The following CTBP1 variants were observed in gnomAD, a reference collection of about 807,000 sequenced individuals.
CTBP1 encodes the protein C-terminal-binding protein 1.
Under a neutral mutation model 42.1 loss-of-function variants are expected in CTBP1, and 11 were observed. That is an observed-to-expected ratio of 0.26 (90% confidence interval 0.16 to 0.43). The LOEUF (loss-of-function observed/expected upper bound fraction) is 0.43, where lower values mean the gene tolerates loss of function less well. CTBP1 is among the 20% of genes least tolerant of loss of function. CTBP1 has a pLI of 1.00. For missense variants in CTBP1, 399 were observed against 624.3 expected (o/e 0.64, Z 3.85); for synonymous variants, 324 against 277.1 (o/e 1.17, Z -1.68).
intron 1 of CTBP1, chr4:1,244,304 T>A: frequency 1.0e-6 from 1 of 979,248 alleles, no homozygotes; most frequent in South Asian, 4.8e-5. Context: ...GGGGTCACCA[T>A]GGGCTGGGAC....
chr4:1,247,994 C>G (rs887804547), intron 1 of CTBP1, among the ~76,000 whole-genome samples: 1 of 152,242 alleles, frequency 6.6e-6, no homozygotes, highest in Non-Finnish European at 1.5e-5. Flanking sequence ...CACCGGCGCC[C>G]TTGGAGGCCG....
intron 5 of CTBP1, among the ~76,000 whole-genome samples, chr4:1,220,544 T>C (rs556764672): frequency 4.3e-4 from 65 of 152,278 alleles, no homozygotes; most frequent in Non-Finnish European, 8.1e-4. Context: ...AGAATGGAAA[T>C]GGAAATGCAC....
chr4:1,228,618 C>A (rs955989040), intron 3 of CTBP1, among the ~76,000 whole-genome samples: 6 of 152,182 alleles, frequency 3.9e-5, no homozygotes, highest in Admixed American at 3.9e-4. Context: ...GTTGCCCGCT[C>A]CCCACTGTGG....
At chr4:1,221,020 GA>G (rs1729678303) in intron 5 of CTBP1, among the ~76,000 whole-genome samples, 1 of 152,224 alleles carries the variant, frequency 6.6e-6, no homozygotes, top group African/African-American at 2.4e-5. Flanking sequence ...TCAAGAAAGT[GA>G]AAAGTCAAGC....
At chr4:1,232,007 G>A (rs1250111) in intron 3 of CTBP1, among the ~76,000 whole-genome samples, 106,662 of 152,212 alleles carry the variant, frequency 0.7, 39,589 homozygotes, top group Non-Finnish European at 0.84. Context: ...ATTTTCTGTC[G>A]GGATTTTTCT....
intron 1 of CTBP1, among the ~76,000 whole-genome samples, chr4:1,248,272 G>A (rs1168668118): frequency 6.6e-6 from 1 of 151,888 alleles, no homozygotes; most frequent in Non-Finnish European, 1.5e-5. Flanking sequence ...CGGAGTTCGC[G>A]GGAACGGAGA....
In CTBP1 at chr4:1,211,700, A is replaced by G. The variant is rs1226028502; in HGVS notation, c.*540T>C. 1 of 152,254 alleles carries G rather than the reference A, an allele frequency of 6.6e-6. No homozygotes were observed. The highest frequency in any genetic ancestry group is 2.4e-5 in the African/African-American group (1 of 41,452). The allele number at this position is 152,254 out of a possible 1,614,324, so 9.4% of individuals were successfully genotyped here. A position where few individuals can be genotyped will look rare whatever the true frequency, so the allele number is the denominator to read the frequency against. ...TTTGGAACAAGGGGGGGTTCATGCC[A>G]AAATTAGGAAAAACAGCCTTTGTTT... On this transcript the variant is annotated 3_prime_UTR_variant, in exon 10 of 10. Transcript: ENST00000382952.
chr4:1,236,230 G>C (rs922813311), intron 3 of CTBP1: 1 of 190,950 alleles, frequency 5.2e-6, no homozygotes, highest in Non-Finnish European at 1.1e-5. Context: ...CTGTCTTCAG[G>C]GAAAAGCTGC....
At chr4:1,244,774 G>A (rs1732546065) in intron 1 of CTBP1, 1 of 985,422 alleles carries the variant, frequency 1.0e-6, no homozygotes, top group South Asian at 4.7e-5. Flanking sequence ...GCCCTGCCGT[G>A]AGTCCCCGGC....
intron 6 of CTBP1, 65 bp from the exon 7 acceptor site, chr4:1,214,538 C>T: frequency 6.7e-7 from 1 of 1,501,232 alleles, no homozygotes; most frequent in Non-Finnish European, 8.8e-7. Context: ...GCCAGGGAAG[C>T]AAGGTGGTCA....
intron 4 of CTBP1, among the ~76,000 whole-genome samples, chr4:1,226,713 C>T (rs1346984677): frequency 6.6e-6 from 1 of 151,696 alleles, no homozygotes; most frequent in African/African-American, 2.4e-5. Context: ...CAGGCATGCA[C>T]CCGACACCAC....
chr4:1,225,703 G>A (rs942146651), intron 4 of CTBP1, 137 bp from the exon 5 acceptor site: 19 of 877,238 alleles, frequency 2.2e-5, no homozygotes, highest in Non-Finnish European at 3.2e-5. Context: ...GCCACCCCGG[G>A]AGGCCACGAG....
intron 6 of CTBP1, 34 bp downstream of exon 6, chr4:1,215,957 A>C (rs1400223713): frequency 6.3e-7 from 1 of 1,577,386 alleles, no homozygotes; most frequent in Admixed American, 1.9e-5. Flanking sequence ...CCTGCCCCGC[A>C]GAAGTAGAGT....
intron 7 of CTBP1, chr4:1,214,000 TGTAGG>T (rs1728828825): frequency 7.3e-6 from 3 of 410,832 alleles, no homozygotes; most frequent in Non-Finnish European, 1.3e-5. Context: ...CCCAAGGTGC[TGTAGG>T]GGCTGCAGGT....
chr4:1,223,606 C>T (rs954941894), intron 5 of CTBP1: 37 of 411,262 alleles, frequency 9.0e-5, no homozygotes, highest in South Asian at 4.5e-4. Context: ...GAGGAACCCG[C>T]GATCTGGGGA....
intron 1 of CTBP1, chr4:1,244,443 C>G: frequency 1.0e-6 from 1 of 985,174 alleles, no homozygotes; most frequent in Non-Finnish European, 1.2e-6. Context: ...GCCTCAGCAC[C>G]TGGTCCTCAT....
At chr4:1,229,882 AC>A (rs760738356) in intron 3 of CTBP1, among the ~76,000 whole-genome samples, 32 of 152,172 alleles carry the variant, frequency 2.1e-4, no homozygotes, top group Non-Finnish European at 2.9e-4. Context: ...GGAGGACCAC[AC>A]AGACCAGGGC....
chr4:1,225,386 C>A lies in CTBP1; in HGVS notation c.488G>T (p.Gly163Val). 1 of 1,566,386 alleles carries A rather than the reference C, an allele frequency of 6.4e-7. No homozygotes were observed. The highest frequency in any genetic ancestry group is 2.4e-5 in the East Asian group (1 of 41,960). The stretch of plus-strand genomic sequence containing the variant: ...AAGTCCGATGATGCCCAAGGTCTCC[C>A]CGCGGATCCTGGCAGCGCCGGACGC... ...EVASGAARIR[G>V]ETLGIIGLGR... Residue 163 changes from glycine (G) to valine (V), a missense_variant, in exon 5 of 10, where the codon GGG (glycine) becomes GTG (valine). By Grantham distance (109) the Gly-to-Val change is moderately radical. Coordinates refer to ENST00000382952, the MANE Select transcript of CTBP1 (RefSeq NM_001012614.2).
At chr4:1,244,962 C>T in intron 1 of CTBP1, 1 of 985,442 alleles carries the variant, frequency 1.0e-6, no homozygotes, top group Non-Finnish European at 1.2e-6. Flanking sequence ...AAACTGAGGC[C>T]CTGCCCTGCA....
Sources: allele counts gnomAD v4.1 joint callset (sites outside exome capture counted in the v4.1 genomes callset), GRCh38; gene constraint gnomAD v4.1.1; transcripts MANE v1.5; gene names NCBI Gene and HGNC (gene_info 2026-07-23, HGNC 2026-07-21).